Variants in CKAP5 observed in about 807,000 individuals in gnomAD.
The protein encoded by CKAP5 is cytoskeleton associated protein 5, also known as cytoskeleton-associated protein 5.
Under a neutral mutation model 232.8 loss-of-function variants are expected in CKAP5, and 27 were observed. The ratio of observed to expected loss-of-function variants is 0.12; its 90% CI spans 0.09 to 0.16. The LOEUF is 0.16. Among genes scored for constraint, CKAP5 ranks in the 10% least tolerant of loss-of-function variants. CKAP5 has a pLI of 1.00. For missense variants in CKAP5, 1,838 were observed against 2,424.7 expected, an observed-to-expected ratio of 0.76 and a Z score of 5.08; for synonymous variants, 785 against 841.1, an observed-to-expected ratio of 0.93 and a Z score of 1.16.
intron 13 of CKAP5, among the ~76,000 whole-genome samples, chr11:46,793,191 T>C (rs184027756): frequency 1.3e-5 from 2 of 152,356 alleles, no homozygotes; most frequent in African/African-American, 2.4e-5. Flanking sequence ...TAGTTTCATT[T>C]TTTGGAAAAA....
At chr11:46,840,459 T>C (rs998652988) in intron 1 of CKAP5, among the ~76,000 whole-genome samples, 4 of 152,190 alleles carry the variant, frequency 2.6e-5, no homozygotes, top group Admixed American at 2.6e-4. Flanking sequence ...GAGCCTGGCT[T>C]TACCTTAACA....
chr11:46,752,193 T>TACAC (rs1156472710), intron 38 of CKAP5, among the ~76,000 whole-genome samples: 22 of 66,476 alleles, frequency 3.3e-4, no homozygotes, highest in African/African-American at 1.1e-3. Context: ...TATATATATA[T>TACAC]ACACACACAC....
intron 33 of CKAP5, among the ~76,000 whole-genome samples, chr11:46,759,810 T>C (rs2065140731): frequency 6.6e-6 from 1 of 152,036 alleles, no homozygotes. Context: ...AAGAAAAATT[T>C]AGACTGGCTG....
At position 46,801,132 on chromosome 11, in the gene CKAP5, ACAG is replaced by A; in HGVS notation, c.1083+65_1083+67del. On this transcript the variant is annotated intron_variant, in intron 9 of 43. Transcript: ENST00000529230. ...ATGCCAAGGAGTTGTTTTAAAGCAA[ACAG>A]CAAACTAGGCCTACCATTTTTGATA... The A allele has an allele frequency of 3.6e-6, 4 of 1,112,766 alleles. No individual in the cohort carries two copies. The South Asian group carries it at 3.7e-5, about 10-fold the overall frequency. 68.9% of individuals were successfully genotyped at this position (1,112,766 alleles called of 1,614,324 possible). A position where few individuals can be genotyped will look rare whatever the true frequency, so the allele number is the denominator to read the frequency against.
At chr11:46,748,529 C>T (rs1182853944) in intron 42 of CKAP5, among the ~76,000 whole-genome samples, 1 of 152,100 alleles carries the variant, frequency 6.6e-6, no homozygotes, top group Non-Finnish European at 1.5e-5. Context: ...AATCCCGGAA[C>T]TTTGGGAGGC....
chr11:46,755,760 C>A (rs1267365670), intron 35 of CKAP5, among the ~76,000 whole-genome samples: 1 of 151,734 alleles, frequency 6.6e-6, no homozygotes, highest in Non-Finnish European at 1.5e-5. Flanking sequence ...GAAACCCCAT[C>A]TCTACCAAAA....
intron 1 of CKAP5, among the ~76,000 whole-genome samples, chr11:46,842,089 T>C (rs1046401060): frequency 1.3e-5 from 2 of 151,830 alleles, no homozygotes; most frequent in African/African-American, 4.8e-5. Flanking sequence ...AGTGGTGGGT[T>C]GGACCTTCCC....
chr11:46,772,820 C>A lies in CKAP5; in HGVS notation c.2992-1838G>T, dbSNP rs571083818. ...GCAGTGGCACGATCTTGGCTCACTG[C>A]AACCTCTGCCTCCCGGGTTCAAGTG... On this transcript the variant is annotated intron_variant, in intron 24 of 43. Coordinates refer to ENST00000529230, the MANE Select transcript of CKAP5 (RefSeq NM_001008938.4). Among the ~76,000 whole-genome samples, 53 of 152,154 alleles carry A rather than the reference C, an allele frequency of 3.5e-4. 1 individual carries two copies. In the South Asian group the frequency reaches 0.011, roughly 31 times the overall value.
intron 23 of CKAP5, 108 bp downstream of exon 23, chr11:46,777,331 T>A (rs962455849): frequency 9.6e-6 from 6 of 627,676 alleles, no homozygotes; most frequent in Non-Finnish European, 1.7e-5. Flanking sequence ...TTCATCTTTA[T>A]AAAGTTTATC....
At chr11:46,746,176 A>C (rs1465905426) in intron 42 of CKAP5, among the ~76,000 whole-genome samples, 1 of 152,168 alleles carries the variant, frequency 6.6e-6, no homozygotes, top group Non-Finnish European at 1.5e-5. Flanking sequence ...GAATGTCACT[A>C]AACTCGGAAA....
In CKAP5 at chr11:46,755,051, C is replaced by T. The variant is rs1227922349; in HGVS notation, c.4706G>A (p.Arg1569Lys). The change falls in exon 36 of 44, where the codon AGA becomes AAA. Residue 1569 changes from arginine (R) to lysine (K), a missense_variant. Around this residue, in one of 6 missense-constraint regions of CKAP5, gnomAD observed 579 missense variants for 843.2 expected, o/e 0.69. Transcript: ENST00000529230. Reference sequence around the variant, plus strand: ...CATGGCTTCAGCTTTGTCTTCCTGTCTCAGGACCTCATCGATCTGATAACA... The same window carrying T: ...CATGGCTTCAGCTTTGTCTTCCTGTTTCAGGACCTCATCGATCTGATAACA... ...QALTQIDEVL[R>K]QEDKAEAMSG... The T allele has an allele frequency of 2.5e-6, 4 of 1,606,424 alleles. No individual in the cohort carries two copies. The highest frequency in any genetic ancestry group is 3.4e-6 in the Non-Finnish European group (4 of 1,177,784).
chr11:46,824,959 G>C (rs1271687744), intron 1 of CKAP5, among the ~76,000 whole-genome samples: 2 of 152,134 alleles, frequency 1.3e-5, no homozygotes, highest in African/African-American at 4.8e-5. Context: ...AGAGCTCTCA[G>C]ATTTTATCCC....
chr11:46,762,276 C>A, intron 31 of CKAP5, 83 bp from the exon 32 acceptor site: 1 of 1,411,630 alleles, frequency 7.1e-7, no homozygotes, highest in Non-Finnish European at 9.8e-7. Flanking sequence ...TTTCCCTTGG[C>A]ATATATGAAG....
intron 1 of CKAP5, chr11:46,826,856 T>C (rs928737076): frequency 1.9e-5 from 3 of 155,012 alleles, no homozygotes; most frequent in Non-Finnish European, 2.9e-5. Context: ...GCAGCATTGG[T>C]GCTGCGGTCC....
chr11:46,772,930 C>T (rs537529568), intron 24 of CKAP5, among the ~76,000 whole-genome samples: 6 of 152,068 alleles, frequency 3.9e-5, no homozygotes, highest in East Asian at 1.9e-4. Flanking sequence ...TTGGTAGAGA[C>T]GGGGTTTCAC....
chr11:46,745,704 A>G (rs2065017612), intron 42 of CKAP5, among the ~76,000 whole-genome samples: 1 of 152,190 alleles, frequency 6.6e-6, no homozygotes, highest in Non-Finnish European at 1.5e-5. Flanking sequence ...CTGTAATCCA[A>G]GCACTTTGGG....
At chr11:46,784,282 C>T (rs1389664686) in intron 17 of CKAP5, among the ~76,000 whole-genome samples, 1 of 152,008 alleles carries the variant, frequency 6.6e-6, no homozygotes, top group Non-Finnish European at 1.5e-5. Flanking sequence ...GCAGGAGAAT[C>T]ACTTGAACCC....
rs2065062622 is a variant in CKAP5, at chr11:46,751,275, G to C, written c.5323-20C>G. On this transcript the variant is annotated intron_variant, in intron 39 of 43. Transcript: ENST00000529230. ...CAGGATCTGAGGGAGACACATGCAT[G>C]ACTGATAGCACTGCCATTTCCATGA... The C allele has an allele frequency of 6.2e-7, 1 of 1,614,140 alleles. No homozygotes were observed. Among genetic ancestry groups the C allele is most frequent in the Admixed American group, 1.7e-5 (1 of 60,014 alleles).
chr11:46,780,132 A>G (rs1480929692), intron 20 of CKAP5, 62 bp downstream of exon 20: 5 of 1,571,274 alleles, frequency 3.2e-6, no homozygotes, highest in Admixed American at 3.3e-5. Flanking sequence ...TACACCCAAC[A>G]GTTTAGTCTT....
Sources: gnomAD v4.1 joint callset for allele counts (sites outside exome capture counted in the v4.1 genomes callset) on GRCh38, gnomAD v4.1.1 for gene constraint, gnomAD v4.1.1 regional missense constraint, MANE v1.5 for transcripts, NCBI Gene and HGNC (gene_info 2026-07-23, HGNC 2026-07-21) for gene names.